MRPS35: variants seen among roughly 807,000 people sequenced by gnomAD.
MRPS35 encodes the protein mitochondrial ribosomal protein S35.
In MRPS35, 29 loss-of-function variants were observed where a neutral mutation model predicts 32.7. That is an observed-to-expected ratio of 0.89 (90% CI 0.66 to 1.21). MRPS35 has a LOEUF of 1.21. MRPS35 is among the 50% of genes most tolerant of loss of function. The pLI is 0.00. For missense variants in MRPS35, 373 were observed against 383.8 expected (o/e 0.97, Z 0.23); for synonymous variants, 148 against 139.3 (o/e 1.06, Z -0.44).
At chr12:27,739,144 C>T (rs186777443) in intron 7 of MRPS35, among the ~76,000 whole-genome samples, 92 of 152,308 alleles carry the variant, frequency 6.0e-4, no homozygotes, top group Admixed American at 1.2e-3. Flanking sequence ...GTGATCCACC[C>T]GCCTCGGCCT....
chr12:27,713,790 C>G (rs1333853907), intron 1 of MRPS35, among the ~76,000 whole-genome samples: 1 of 152,072 alleles, frequency 6.6e-6, no homozygotes, highest in Admixed American at 6.5e-5. Flanking sequence ...CAAATTGACA[C>G]AAAGTTAACT....
chr12:27,734,982 A>C (rs889843732), intron 5 of MRPS35, among the ~76,000 whole-genome samples: 75 of 152,316 alleles, frequency 4.9e-4, no homozygotes, highest in African/African-American at 1.7e-3. Flanking sequence ...TGTAGCTTTT[A>C]AAAAAAGCTT....
chr12:27,734,080 T>A (rs1223696671), intron 5 of MRPS35, among the ~76,000 whole-genome samples: 1 of 152,090 alleles, frequency 6.6e-6, no homozygotes, highest in Non-Finnish European at 1.5e-5. Context: ...GTGTACAGAG[T>A]TATTGAAGCT....
chr12:27,755,470 T>A lies in MRPS35; in HGVS notation c.*20T>A, dbSNP rs1033289537. ...ACATGAATTATGGAGTAGAAAAATCTGCTTGATTTATTAATTTTATGATAT... is the reference window on the plus strand; with the variant it reads ...ACATGAATTATGGAGTAGAAAAATCAGCTTGATTTATTAATTTTATGATAT... On this transcript the variant is annotated 3_prime_UTR_variant, in exon 8 of 8. Coordinates refer to ENST00000081029, the MANE Select transcript of MRPS35 (RefSeq NM_021821.4). The A allele has an allele frequency of 1.3e-6, 2 of 1,508,582 alleles. No individual in the cohort carries two copies. Among genetic ancestry groups the A allele is most frequent in the South Asian group, 2.8e-5 (2 of 70,842 alleles). 93.4% of individuals were successfully genotyped at this position (1,508,582 alleles called of 1,614,324 possible). A position where few individuals can be genotyped will look rare whatever the true frequency, so the allele number is the denominator to read the frequency against.
chr12:27,753,495 T>C (rs938880295), intron 7 of MRPS35, among the ~76,000 whole-genome samples: 13 of 152,142 alleles, frequency 8.5e-5, no homozygotes, highest in Admixed American at 7.9e-4. Context: ...GGTGGAAACC[T>C]TACCTGCTTC....
At position 27,755,150 on chromosome 12, in the gene MRPS35, A is replaced by G. The variant is rs2062021255; in HGVS notation, c.703-31A>G. On this transcript the variant is annotated intron_variant, in intron 7 of 7. Coordinates refer to ENST00000081029, the MANE Select transcript of MRPS35 (RefSeq NM_021821.4). The stretch of plus-strand genomic sequence containing the variant: ...CATTTGATATTTCTCAGAATTCAGA[A>G]CTCATTTTTTTTTGTTTTGTTTTGT... The G allele has an allele frequency of 4.0e-6, 6 of 1,493,402 alleles. No individual in the cohort carries two copies. In the South Asian group the frequency reaches 8.4e-5, roughly 21 times the overall value. 92.5% of individuals were successfully genotyped at this position (1,493,402 alleles called of 1,614,324 possible). A position where few individuals can be genotyped will look rare whatever the true frequency, so the allele number is the denominator to read the frequency against.
intron 7 of MRPS35, among the ~76,000 whole-genome samples, chr12:27,750,215 A>G (rs1377462128): frequency 6.6e-6 from 1 of 152,202 alleles, no homozygotes; most frequent in African/African-American, 2.4e-5. Flanking sequence ...AGGTGTTAAA[A>G]AATATATATG....
chr12:27,715,538 C>A (rs568101750), intron 2 of MRPS35, among the ~76,000 whole-genome samples: 4 of 152,260 alleles, frequency 2.6e-5, no homozygotes. Context: ...GGAATCTAAA[C>A]GATAAGGTCA....
intron 5 of MRPS35, among the ~76,000 whole-genome samples, chr12:27,733,016 A>C (rs1292014660): frequency 5.5e-5 from 2 of 36,218 alleles, no homozygotes; most frequent in Non-Finnish European, 6.0e-5. Context: ...ATATATATAT[A>C]TATATATATA....
At chr12:27,739,848 G>C (rs2061956874) in intron 7 of MRPS35, among the ~76,000 whole-genome samples, 1 of 152,230 alleles carries the variant, frequency 6.6e-6, no homozygotes, top group Admixed American at 6.5e-5. Flanking sequence ...TGATTTATGG[G>C]ATTCTTTCTG....
chr12:27,731,152 T>G (rs1593469668), intron 5 of MRPS35, among the ~76,000 whole-genome samples: 1 of 152,360 alleles, frequency 6.6e-6, no homozygotes, highest in East Asian at 1.9e-4. Context: ...CTTCTGTTCC[T>G]TTGCCATGCC....
At chr12:27,735,752 A>T (rs1440437958) in intron 6 of MRPS35, among the ~76,000 whole-genome samples, 196 bp downstream of exon 6, 1 of 152,224 alleles carries the variant, frequency 6.6e-6, no homozygotes, top group African/African-American at 2.4e-5. Flanking sequence ...ATGCAGCGGC[A>T]TGCTTAGCTA....
rs116103063 is a variant in MRPS35 at position 27,747,788 on chromosome 12, A to G, written c.703-7393A>G. Among the ~76,000 whole-genome samples the G allele has an allele frequency of 2.8e-3, 429 of 152,188 alleles. 2 individuals carry two copies. Among genetic ancestry groups the G allele is most frequent in the African/African-American group, 9.9e-3 (413 of 41,520 alleles). On this transcript the variant is annotated intron_variant, in intron 7 of 7. Coordinates refer to ENST00000081029, the MANE Select transcript of MRPS35 (RefSeq NM_021821.4). ...TTGACCCTTGCATGAATTAGCTATT[A>G]TGTTTTTCTTTGTATTACATTCATA... is the stretch of plus-strand genomic sequence containing the variant.
rs3751233 is a variant in MRPS35 at position 27,755,670 on chromosome 12, A to G, written c.*220A>G. On this transcript the variant is annotated 3_prime_UTR_variant, in exon 8 of 8. Transcript: ENST00000081029. The stretch of plus-strand genomic sequence containing the variant: ...GAGGTCTCTGATTTCTTCTTGGTCT[A>G]AAGTGTTTTGATTTTATTTCTACAT... The G allele has an allele frequency of 0.14, 47,678 of 336,798 alleles. 3,737 individuals are homozygous for G. The highest frequency in any genetic ancestry group is 0.18 in the East Asian group (3,457 of 19,578). 20.9% of individuals were successfully genotyped at this position (336,798 alleles called of 1,614,324 possible).
Position 27,751,822 on chromosome 12 carries a change from C to A in MRPS35, c.703-3359C>A, listed in dbSNP as rs964303356. Among the ~76,000 whole-genome samples the A allele has an allele frequency of 3.3e-5, 5 of 152,256 alleles. No homozygotes were observed. The East Asian group carries it at 9.6e-4, about 29-fold the overall frequency. On this transcript the variant is annotated intron_variant, in intron 7 of 7. Transcript: ENST00000081029. Reference sequence around the variant, plus strand: ...TGGCTCAGAGCCAAGGATGTACTTACACAAACAGGTTATATAACAAGTGGG... The same window carrying A: ...TGGCTCAGAGCCAAGGATGTACTTAAACAAACAGGTTATATAACAAGTGGG...
chr12:27,714,659 T>G, intron 1 of MRPS35, 121 bp from the exon 2 acceptor site: 1 of 721,130 alleles, frequency 1.4e-6, no homozygotes, highest in Non-Finnish European at 2.2e-6. Flanking sequence ...AAAGATTGTT[T>G]CATTGTTATG....
intron 6 of MRPS35, among the ~76,000 whole-genome samples, chr12:27,735,933 A>G (rs902226547): frequency 6.6e-6 from 1 of 152,236 alleles, no homozygotes; most frequent in East Asian, 1.9e-4. Context: ...TAAATGATCT[A>G]TGGATCTATT....
chr12:27,754,918 G>A (rs1332531519), intron 7 of MRPS35, among the ~76,000 whole-genome samples: 1 of 152,098 alleles, frequency 6.6e-6, no homozygotes, highest in Non-Finnish European at 1.5e-5. Flanking sequence ...ATAGAGTAGC[G>A]AGTGGTAACA....
rs1226296437 is a variant in MRPS35 at position 27,755,185 on chromosome 12, C to T, written c.707C>T (p.Thr236Ile). 3.9e-6 allele frequency: 6 copies of T among 1,522,850 alleles called. No individual in the cohort carries two copies. The highest frequency in any genetic ancestry group is 4.4e-6 in the Non-Finnish European group (5 of 1,142,648). 94.3% of individuals were successfully genotyped at this position (1,522,850 alleles called of 1,614,324 possible). The change falls in exon 8 of 8, where the codon ACT (threonine) becomes ATT (isoleucine). Residue 236 changes from threonine to isoleucine, a missense_variant. Thr to Ile is a moderately conservative substitution (Grantham distance 89, BLOSUM62 -1). Coordinates refer to ENST00000081029, the MANE Select transcript of MRPS35 (RefSeq NM_021821.4). ...TTTTGTTTTGTTTTGTTTCAGAATA[C>T]TGAAGAATGGGAAAAAAGTAAGACT... ...LTVLYHESWN[T>I]EEWEKSKTEA...
Sources: allele counts gnomAD v4.1 joint callset (sites outside exome capture counted in the v4.1 genomes callset), GRCh38; gene constraint gnomAD v4.1.1; transcripts MANE v1.5; gene names NCBI Gene and HGNC (gene_info 2026-07-23, HGNC 2026-07-21).